GABRG1: variants seen among roughly 807,000 people sequenced by gnomAD.
The protein encoded by GABRG1 is gamma-aminobutyric acid type A receptor subunit gamma1, also known as gamma-aminobutyric acid receptor subunit gamma-1.
GABRG1 carries 49 observed loss-of-function variants against 49.8 expected under a neutral mutation model. The observed-to-expected ratio is 0.98, with a 90% CI of 0.78 to 1.25. The LOEUF is 1.25. Ranked by LOEUF, GABRG1 falls within the 50% of genes most tolerant of loss-of-function variation. The pLI is 0.00. For missense variants in GABRG1, 552 were observed against 552.3 expected, an observed-to-expected ratio of 1.00 and a Z score of 0.01; for synonymous variants, 232 against 185.1, an observed-to-expected ratio of 1.25 and a Z score of -2.06.
rs1347044570 is a variant in GABRG1, at chr4:46,036,181, T to C, written c.*4807A>G. ...AACAATTCTTTTATTTATTCTGACA[T>C]AAATATTTCAGAAATTGTTTGAGGA... On this transcript the variant is annotated 3_prime_UTR_variant, in exon 9 of 9. Coordinates refer to ENST00000295452, the MANE Select transcript of GABRG1 (RefSeq NM_173536.4). 6.6e-6 allele frequency: 1 copy of C among 151,944 alleles called. No individual in the cohort carries two copies. Among genetic ancestry groups the C allele is most frequent in the Non-Finnish European group, 1.5e-5 (1 of 67,880 alleles). 9.4% of individuals were successfully genotyped at this position (151,944 alleles called of 1,614,324 possible).
chr4:46,088,093 C>T (rs1719847614), intron 2 of GABRG1, among the ~76,000 whole-genome samples: 1 of 152,046 alleles, frequency 6.6e-6, no homozygotes, highest in African/African-American at 2.4e-5. Flanking sequence ...TCTATCATTT[C>T]AGTAAGTTTT....
At chr4:46,103,236 A>G (rs1227804506) in intron 1 of GABRG1, among the ~76,000 whole-genome samples, 5 of 151,412 alleles carry the variant, frequency 3.3e-5, no homozygotes, top group Non-Finnish European at 7.4e-5. Flanking sequence ...GTGATAGACT[A>G]TTTTCCCCAC....
intron 3 of GABRG1, among the ~76,000 whole-genome samples, chr4:46,079,007 C>T (rs1719462734): frequency 6.6e-6 from 1 of 151,112 alleles, no homozygotes; most frequent in Admixed American, 6.6e-5. Flanking sequence ...CCCTCATTTA[C>T]ATTCTATAAT....
chr4:46,121,097 G>C (rs1228488614), intron 1 of GABRG1, among the ~76,000 whole-genome samples: 2 of 151,714 alleles, frequency 1.3e-5, no homozygotes, highest in African/African-American at 4.8e-5. Flanking sequence ...AAATAAAATA[G>C]TGTTTCTCCT....
rs1187864332 is a variant in GABRG1, at chr4:46,081,926, C to CAT, written c.321+2058_321+2059dup. On this transcript the variant is annotated intron_variant, in intron 3 of 8. Coordinates refer to ENST00000295452, the MANE Select transcript of GABRG1 (RefSeq NM_173536.4). Reference sequence around the variant, plus strand: ...AAAGCAGCTGTCTGCAAGCCAATGACATAGATCTTGGACTTCTGGCCTCTA... The same window carrying CAT: ...AAAGCAGCTGTCTGCAAGCCAATGACATATAGATCTTGGACTTCTGGCCTCTA... Among the ~76,000 whole-genome samples, 9 of 151,958 alleles carry CAT rather than the reference C, an allele frequency of 5.9e-5. No individual in the cohort carries two copies. In the East Asian group the frequency reaches 1.8e-3, roughly 30 times the overall value.
intron 2 of GABRG1, among the ~76,000 whole-genome samples, chr4:46,086,286 T>C (rs1396021993): frequency 6.6e-6 from 1 of 151,660 alleles, no homozygotes; most frequent in Non-Finnish European, 1.5e-5. Flanking sequence ...AAAAAAGCTG[T>C]GTGATCAATA....
At chr4:46,051,219 AC>A (rs1191812194) in intron 8 of GABRG1, among the ~76,000 whole-genome samples, 1 of 151,834 alleles carries the variant, frequency 6.6e-6, no homozygotes, top group Non-Finnish European at 1.5e-5. Context: ...CACTCTTTAC[AC>A]AGGGGATCCA....
chr4:46,082,896 A>C (rs1719627128), intron 3 of GABRG1, among the ~76,000 whole-genome samples: 2 of 151,598 alleles, frequency 1.3e-5, no homozygotes, highest in East Asian at 1.9e-4. Context: ...TCTTAATCTG[A>C]ATCTTCTCTT....
intron 2 of GABRG1, among the ~76,000 whole-genome samples, chr4:46,091,947 T>G (rs1364907201): frequency 6.6e-6 from 1 of 152,018 alleles, no homozygotes; most frequent in African/African-American, 2.4e-5. Context: ...ACATTTTATC[T>G]TCAAAATAGC....
intron 3 of GABRG1, among the ~76,000 whole-genome samples, chr4:46,081,727 C>G (rs753962802): frequency 1.3e-5 from 2 of 151,732 alleles, no homozygotes; most frequent in African/African-American, 2.4e-5. Flanking sequence ...GACTTAATCC[C>G]GAGAACTTCA....
At chr4:46,045,566 T>TC (rs1717962443) in intron 8 of GABRG1, among the ~76,000 whole-genome samples, 1 of 151,410 alleles carries the variant, frequency 6.6e-6, no homozygotes, top group African/African-American at 2.4e-5. Context: ...GATTTTTTTT[T>TC]CACTGTAAAA....
chr4:46,112,059 CATA>C (rs1720734495), intron 1 of GABRG1, among the ~76,000 whole-genome samples: 2 of 151,330 alleles, frequency 1.3e-5, no homozygotes, highest in African/African-American at 4.8e-5. Context: ...AGATAACTTA[CATA>C]ATGAGAGAAA....
At chr4:46,064,834 G>T (rs1360446873) in intron 4 of GABRG1, among the ~76,000 whole-genome samples, 1 of 152,018 alleles carries the variant, frequency 6.6e-6, no homozygotes, top group Non-Finnish European at 1.5e-5. Context: ...AAACATAGCA[G>T]ATTAACAGAT....
rs970457974 is a variant in GABRG1 at position 46,047,826 on chromosome 4, T to C, written c.1131+3598A>G. Among the ~76,000 whole-genome samples, 4 of 152,172 alleles carry C rather than the reference T, an allele frequency of 2.6e-5. No individual in the cohort carries two copies. The East Asian group carries it at 5.8e-4, about 22-fold the overall frequency. Reference sequence around the variant, plus strand: ...GGACTATTATTTATATTGTATCTTATTATGTTTGTATTTGCGATGCATTTT... The same window carrying C: ...GGACTATTATTTATATTGTATCTTACTATGTTTGTATTTGCGATGCATTTT... On this transcript the variant is annotated intron_variant, in intron 8 of 8. Coordinates refer to ENST00000295452, the MANE Select transcript of GABRG1 (RefSeq NM_173536.4).
intron 3 of GABRG1, among the ~76,000 whole-genome samples, chr4:46,071,451 T>G (rs975008028): frequency 1.4e-5 from 2 of 145,544 alleles, no homozygotes; most frequent in African/African-American, 5.3e-5. Context: ...ATAAATATAT[T>G]ATAATGTAAT....
intron 2 of GABRG1, among the ~76,000 whole-genome samples, chr4:46,091,644 C>A (rs1312453799): frequency 6.6e-6 from 1 of 151,856 alleles, no homozygotes; most frequent in African/African-American, 2.4e-5. Flanking sequence ...TAATAAAGAG[C>A]AGATTGAAAC....
chr4:46,105,967 A>G (rs532716917), intron 1 of GABRG1, among the ~76,000 whole-genome samples: 1 of 151,582 alleles, frequency 6.6e-6, no homozygotes, highest in Admixed American at 6.6e-5. Flanking sequence ...TTTCTTCTCC[A>G]GGTTCCAGTA....
chr4:46,111,369 C>T (rs982544517), intron 1 of GABRG1, among the ~76,000 whole-genome samples: 3 of 151,176 alleles, frequency 2.0e-5, no homozygotes, highest in African/African-American at 7.3e-5. Context: ...CAAAACATTT[C>T]ACGTTCATGG....
chr4:46,043,028 T>C lies in GABRG1; in HGVS notation c.1132-1774A>G, dbSNP rs143614088. 2.4e-4 allele frequency among the ~76,000 whole-genome samples: 37 copies of C among 152,010 alleles called. 1 individual carries two copies. The highest frequency in any genetic ancestry group is 6.7e-4 in the African/African-American group (28 of 41,544). ...ATGTAAAAAAAAAGAGAGAGACGAA[T>C]TGGTACCTATTTCCTTGTCACTTGA... On this transcript the variant is annotated intron_variant, in intron 8 of 8. Coordinates refer to ENST00000295452, the MANE Select transcript of GABRG1 (RefSeq NM_173536.4).
Sources: gnomAD v4.1 joint callset for allele counts (sites outside exome capture counted in the v4.1 genomes callset) on GRCh38, gnomAD v4.1.1 for gene constraint, MANE v1.5 for transcripts, NCBI Gene and HGNC (gene_info 2026-07-23, HGNC 2026-07-21) for gene names.